Variants in HPSE2 observed in about 807,000 individuals in gnomAD.
The protein encoded by HPSE2 is inactive heparanase-2.
A neutral mutation model predicts 60.5 loss-of-function variants in HPSE2; 38 were observed. That is an observed-to-expected ratio of 0.63 (90% CI 0.48 to 0.82). The LOEUF (loss-of-function observed/expected upper bound fraction) is 0.82, where lower values mean the gene tolerates loss of function less well. HPSE2 is among the 40% of genes least tolerant of loss of function. HPSE2 has a pLI of 0.00. For missense variants in HPSE2, 713 were observed against 740.4 expected (o/e 0.96, Z 0.43); for synonymous variants, 295 against 293.2 (o/e 1.01, Z -0.06).
intron 3 of HPSE2, among the ~76,000 whole-genome samples, chr10:98,869,369 A>G (rs1289545183): frequency 6.6e-6 from 1 of 152,142 alleles, no homozygotes; most frequent in Non-Finnish European, 1.5e-5. Context: ...TCAGAGCCCT[A>G]ATGTCCAAAT....
chr10:99,008,248 T>G (rs986688874), intron 3 of HPSE2, among the ~76,000 whole-genome samples: 5 of 152,224 alleles, frequency 3.3e-5, no homozygotes, highest in Non-Finnish European at 7.3e-5. Flanking sequence ...TGCCCCAGCA[T>G]GAGTCATTGT....
intron 9 of HPSE2, among the ~76,000 whole-genome samples, chr10:98,506,615 C>T (rs995739549): frequency 6.6e-6 from 1 of 152,068 alleles, no homozygotes; most frequent in African/African-American, 2.4e-5. Context: ...CACCACTATA[C>T]CCAGCTAACT....
At chr10:99,232,266 GAC>G in intron 2 of HPSE2, 80 bp downstream of exon 2, 1 of 1,347,602 alleles carries the variant, frequency 7.4e-7, no homozygotes, top group Non-Finnish European at 1.0e-6. Flanking sequence ...CGAACACACA[GAC>G]ACACGAACAC....
intron 3 of HPSE2, among the ~76,000 whole-genome samples, chr10:98,797,821 G>T (rs983290287): frequency 6.6e-6 from 1 of 151,932 alleles, no homozygotes; most frequent in African/African-American, 2.4e-5. Context: ...TCCAGCCTGG[G>T]CGACAAAGTG....
At chr10:99,264,095 C>CTT in the HPSE2 span, among the ~76,000 whole-genome samples, 1 of 148,142 alleles carries the variant, frequency 6.8e-6, no homozygotes, top group African/African-American at 2.5e-5. Flanking sequence ...TTTTCTTTTT[C>CTT]TTTTTTTTTT....
chr10:98,647,847 T>C (rs2134052600), intron 6 of HPSE2, among the ~76,000 whole-genome samples: 1 of 152,256 alleles, frequency 6.6e-6, no homozygotes, highest in African/African-American at 2.4e-5. Context: ...ATGAACACTG[T>C]TACAAAAAAA....
At chr10:98,897,188 G>C (rs1477933576) in intron 3 of HPSE2, among the ~76,000 whole-genome samples, 3 of 152,112 alleles carry the variant, frequency 2.0e-5, no homozygotes, top group African/African-American at 7.2e-5. Context: ...TTGAAGGGAA[G>C]GGTGGGATTA....
intron 5 of HPSE2, among the ~76,000 whole-genome samples, chr10:98,696,304 A>AC (rs1225082726): frequency 5.3e-5 from 8 of 149,598 alleles, no homozygotes; most frequent in Admixed American, 2.0e-4. Context: ...AAAAAAAAAA[A>AC]AAAAAAAAAA....
At chr10:98,831,626 G>T (rs1951685624) in intron 3 of HPSE2, among the ~76,000 whole-genome samples, 1 of 152,294 alleles carries the variant, frequency 6.6e-6, no homozygotes, top group African/African-American at 2.4e-5. Flanking sequence ...GAGAGACCTT[G>T]CTCAAGGGCA....
intron 5 of HPSE2, among the ~76,000 whole-genome samples, chr10:98,709,762 T>C (rs149172512): frequency 2.3e-4 from 35 of 152,364 alleles, no homozygotes; most frequent in African/African-American, 7.9e-4. Flanking sequence ...TGAAATATTG[T>C]TGAGCCTTCT....
chr10:99,298,455 T>G, the HPSE2 span, among the ~76,000 whole-genome samples: 1 of 152,232 alleles, frequency 6.6e-6, no homozygotes, highest in Admixed American at 6.5e-5. Flanking sequence ...GCCTTGCCAC[T>G]AAGGTGTCTT....
intron 9 of HPSE2, among the ~76,000 whole-genome samples, chr10:98,532,750 C>T (rs1044478862): frequency 1.3e-5 from 2 of 152,098 alleles, no homozygotes; most frequent in Admixed American, 1.3e-4. Context: ...GTATAATCAG[C>T]TTTTTTTAGC....
intron 9 of HPSE2, among the ~76,000 whole-genome samples, chr10:98,545,756 C>T (rs899108828): frequency 1.3e-5 from 2 of 151,502 alleles, no homozygotes; most frequent in African/African-American, 4.9e-5. Context: ...ACAGGGATGC[C>T]CTCTCTCACC....
At position 99,104,890 on chromosome 10, in the gene HPSE2, C is replaced by T. The variant is rs371607344; in HGVS notation, c.610+39348G>A. On this transcript the variant is annotated intron_variant, in intron 3 of 11. Coordinates refer to ENST00000370552, the MANE Select transcript of HPSE2 (RefSeq NM_021828.5). ...GAACACATGGACACAGGAAGGGGAA[C>T]ATCACACACCGGGGCCTGTCGTGGG... Among the ~76,000 whole-genome samples, 64 of 151,930 alleles carry T rather than the reference C, an allele frequency of 4.2e-4. 1 individual carries two copies. The East Asian group carries it at 0.01, about 24-fold the overall frequency.
chr10:98,566,937 CT>C (rs1944364487), intron 9 of HPSE2, among the ~76,000 whole-genome samples: 1 of 152,194 alleles, frequency 6.6e-6, no homozygotes, highest in South Asian at 2.1e-4. Context: ...TTACCATAAT[CT>C]TTTACTAGAC....
intron 9 of HPSE2, among the ~76,000 whole-genome samples, chr10:98,491,892 G>A (rs549931361): frequency 6.6e-6 from 1 of 152,078 alleles, no homozygotes; most frequent in South Asian, 2.1e-4. Context: ...AATCCGGAAG[G>A]GATCCTTAGT....
chr10:99,126,936 A>G lies in HPSE2; in HGVS notation c.610+17302T>C, dbSNP rs1047023152. On this transcript the variant is annotated intron_variant, in intron 3 of 11. Transcript: ENST00000370552. The surrounding 1 kb of genome is among the most constrained non-coding windows in gnomAD (Gnocchi z 4.0). ...CTGGCTCCCAGAAAGCCCCATCCCT[A>G]GGGGAAGGGGAAGAGCACCACATGA... is the stretch of plus-strand genomic sequence containing the variant. Among the ~76,000 whole-genome samples the G allele has an allele frequency of 1.3e-5, 2 of 152,122 alleles. No individual in the cohort carries two copies. Among genetic ancestry groups the G allele is most frequent in the African/African-American group, 4.8e-5 (2 of 41,434 alleles).
intron 9 of HPSE2, among the ~76,000 whole-genome samples, chr10:98,543,306 C>T (rs577842930): frequency 1.3e-5 from 2 of 151,968 alleles, no homozygotes; most frequent in Admixed American, 6.6e-5. Flanking sequence ...CCAGGCCTGC[C>T]GTAAAAGAGC....
the HPSE2 span, among the ~76,000 whole-genome samples, chr10:99,307,649 C>T: frequency 5.3e-5 from 8 of 152,318 alleles, no homozygotes; most frequent in African/African-American, 1.9e-4. Context: ...ATGGCACCCC[C>T]ATGGCACAGC....
Sources: gnomAD v4.1 joint callset for allele counts (sites outside exome capture counted in the v4.1 genomes callset) on GRCh38, gnomAD v4.1.1 for gene constraint, Gnocchi (gnomAD v3.1) non-coding constraint, MANE v1.5 for transcripts, NCBI Gene and HGNC (gene_info 2026-07-23, HGNC 2026-07-21) for gene names.